The following EIF5 variants were observed in gnomAD, a reference collection of about 807,000 sequenced individuals.
EIF5 encodes the protein eukaryotic translation initiation factor 5.
In EIF5, 10 loss-of-function variants were observed where a neutral mutation model predicts 48.3. That is an observed-to-expected ratio of 0.21 (90% confidence interval 0.13 to 0.35). The LOEUF is 0.35. Ranked by LOEUF, EIF5 falls within the 10% of genes least tolerant of loss-of-function variation. EIF5 has a pLI of 1.00. For synonymous variants in EIF5, 237 were observed against 173.1 expected (o/e 1.37, Z -2.90); for missense variants, 397 against 533.2 (o/e 0.74, Z 2.51).
rs1283736391 is a variant in EIF5 at position 103,343,315 on chromosome 14, A to G, written c.*2263A>G. 2.0e-5 allele frequency: 3 copies of G among 152,196 alleles called. No individual in the cohort carries two copies. The highest frequency in any genetic ancestry group is 7.2e-5 in the African/African-American group (3 of 41,444). The allele number at this position is 152,196 out of a possible 1,614,324, so 9.4% of individuals were successfully genotyped here. ...GTTACACTTGCCAGCCCCACTCACA[A>G]AAGTTGTTCATTTCATTGGGTCACT... On this transcript the variant is annotated 3_prime_UTR_variant, in exon 12 of 12. Transcript: ENST00000216554.
intron 10 of EIF5, 79 bp from the exon 11 acceptor site, chr14:103,340,348 G>T: frequency 6.7e-7 from 1 of 1,489,090 alleles, no homozygotes; most frequent in Non-Finnish European, 9.2e-7. Context: ...AGTCCCCTCA[G>T]CTCAGTAAGG....
chr14:103,341,062 T>A lies in EIF5; in HGVS notation c.*10T>A. ...TATTGATGCCATTTAAAGGGATGGA[T>A]GCAACCTAGCTTAACAGTATAATGC... is the stretch of plus-strand genomic sequence containing the variant. On this transcript the variant is annotated 3_prime_UTR_variant, in exon 12 of 12. Transcript: ENST00000216554. 6.2e-7 allele frequency: 1 copy of A among 1,613,720 alleles called. No individual in the cohort carries two copies. The highest frequency in any genetic ancestry group is 1.1e-5 in the South Asian group (1 of 91,076).
chr14:103,342,338 GAC>G lies in EIF5; in HGVS notation c.*1292_*1293del, dbSNP rs1759028528. 1 of 152,172 alleles carries G rather than the reference GAC, an allele frequency of 6.6e-6. No homozygotes were observed. The highest frequency in any genetic ancestry group is 2.1e-4 in the South Asian group (1 of 4,828). 9.4% of individuals were successfully genotyped at this position (152,172 alleles called of 1,614,324 possible). A position where few individuals can be genotyped will look rare whatever the true frequency, so the allele number is the denominator to read the frequency against. Reference sequence around the variant, plus strand: ...GAGCCCATGCAGGGCTTTAGATTTGGACACACAAGAGTTGATAACTTCCTCAT... The same window carrying G: ...GAGCCCATGCAGGGCTTTAGATTTGGACACAAGAGTTGATAACTTCCTCAT... On this transcript the variant is annotated 3_prime_UTR_variant, in exon 12 of 12. Coordinates refer to ENST00000216554, the MANE Select transcript of EIF5 (RefSeq NM_001969.5).
At chr14:103,334,898 C>T (rs1301424033) in intron 2 of EIF5, 1 of 152,164 alleles carries the variant, frequency 6.6e-6, no homozygotes, top group African/African-American at 2.4e-5. Context: ...GGCCGTGTGT[C>T]GCTTCCCGGC....
rs2089350540 is a variant in EIF5, at chr14:103,341,337, A to T, written c.*285A>T. On this transcript the variant is annotated 3_prime_UTR_variant, in exon 12 of 12. Transcript: ENST00000216554. Reference sequence around the variant, plus strand: ...CACATTTATACAGTTATAAAAATAAAGGTTTGATTTTGGTCGTTCTTCAGA... The same window carrying T: ...CACATTTATACAGTTATAAAAATAATGGTTTGATTTTGGTCGTTCTTCAGA... 1 of 247,504 alleles carries T rather than the reference A, an allele frequency of 4.0e-6. No individual in the cohort carries two copies. Among genetic ancestry groups the T allele is most frequent in the Non-Finnish European group, 8.0e-6 (1 of 124,874 alleles). The allele number at this position is 247,504 out of a possible 1,614,324, so 15.3% of individuals were successfully genotyped here. A position where few individuals can be genotyped will look rare whatever the true frequency, so the allele number is the denominator to read the frequency against.
chr14:103,335,607 T>C, intron 2 of EIF5, 46 bp from the exon 3 acceptor site: 1 of 547,212 alleles, frequency 1.8e-6, no homozygotes, highest in South Asian at 2.3e-5. Context: ...AGCGATGATG[T>C]TAAACCTGGG....
chr14:103,339,408 T>A, intron 9 of EIF5, 75 bp downstream of exon 9: 17 of 1,524,418 alleles, frequency 1.1e-5, no homozygotes, highest in Non-Finnish European at 1.5e-5. Flanking sequence ...TAACCACTTT[T>A]GCTTGTCCTG....
chr14:103,338,709 TC>T, intron 7 of EIF5, 25 bp from the exon 8 acceptor site: 1 of 1,604,390 alleles, frequency 6.2e-7, no homozygotes, highest in Non-Finnish European at 8.5e-7. Context: ...AGGCCTTTGA[TC>T]AAGTAGCTCT....
chr14:103,341,810 G>T lies in EIF5; in HGVS notation c.*758G>T, dbSNP rs1305201221. On this transcript the variant is annotated 3_prime_UTR_variant, in exon 12 of 12. Transcript: ENST00000216554. ...AAATTATTACATTAACAAGCATTTT[G>T]TGTGTACGTAGTAGTTACTTTGTAC... 6.6e-6 allele frequency: 1 copy of T among 152,624 alleles called. No homozygotes were observed. Among genetic ancestry groups the T allele is most frequent in the East Asian group, 1.9e-4 (1 of 5,204 alleles). 9.5% of individuals were successfully genotyped at this position (152,624 alleles called of 1,614,324 possible). A position where few individuals can be genotyped will look rare whatever the true frequency, so the allele number is the denominator to read the frequency against.
rs1409128290 is a variant in EIF5, at chr14:103,340,445, T to C, written c.1090T>C (p.Ser364Pro). ...WSEKASKKYVSKELAKEIRVK... is the reference protein window; with the variant it reads ...WSEKASKKYVPKELAKEIRVK... ...TTTTTAGGCCTCTAAGAAATATGTCTCCAAAGAACTTGCCAAAGAGATTCG... is the reference window on the plus strand; with the variant it reads ...TTTTTAGGCCTCTAAGAAATATGTCCCCAAAGAACTTGCCAAAGAGATTCG... The change falls in exon 11 of 12, where the codon TCC becomes CCC. Residue 364 changes from serine to proline, a missense_variant. Transcript: ENST00000216554. 1.2e-6 allele frequency: 2 copies of C among 1,603,358 alleles called. No homozygotes were observed. Among genetic ancestry groups the C allele is most frequent in the Non-Finnish European group, 1.7e-6 (2 of 1,170,886 alleles).
rs1182011668 is a variant in EIF5, at chr14:103,341,718, CA to C, written c.*667del. 1 of 152,368 alleles carries C rather than the reference CA, an allele frequency of 6.6e-6. No individual in the cohort carries two copies. Among genetic ancestry groups the C allele is most frequent in the Admixed American group, 6.5e-5 (1 of 15,290 alleles). 9.4% of individuals were successfully genotyped at this position (152,368 alleles called of 1,614,324 possible). ...TTTGAAACTTGGAGAGCTGTTTTCT[CA>C]TTTCATGTACACTTGCCCCAAATTG... On this transcript the variant is annotated 3_prime_UTR_variant, in exon 12 of 12. Coordinates refer to ENST00000216554, the MANE Select transcript of EIF5 (RefSeq NM_001969.5).
Position 103,341,379 on chromosome 14 carries a change from ACT to A in EIF5, c.*328_*329del. Reference sequence around the variant, plus strand: ...TTCTTCAGATGTTTGGCTCTGAATGACTTAAGCTGAAGTAACTGGCTCCTTAC... The same window carrying A: ...TTCTTCAGATGTTTGGCTCTGAATGATAAGCTGAAGTAACTGGCTCCTTAC... On this transcript the variant is annotated 3_prime_UTR_variant, in exon 12 of 12. Transcript: ENST00000216554. 4.9e-6 allele frequency: 1 copy of A among 203,378 alleles called. No individual in the cohort carries two copies. Among genetic ancestry groups the A allele is most frequent in the East Asian group, 1.1e-4 (1 of 8,750 alleles). The allele number at this position is 203,378 out of a possible 1,614,324, so 12.6% of individuals were successfully genotyped here.
intron 5 of EIF5, 61 bp downstream of exon 5, chr14:103,336,910 A>T: frequency 6.5e-7 from 1 of 1,536,032 alleles, no homozygotes; most frequent in South Asian, 1.2e-5. Context: ...GATACCGCTA[A>T]GTCACCTTCC....
rs893915138 is a variant in EIF5 at position 103,342,762 on chromosome 14, T to C, written c.*1710T>C. 2 of 152,654 alleles carry C rather than the reference T, an allele frequency of 1.3e-5. No individual in the cohort carries two copies. The highest frequency in any genetic ancestry group is 4.8e-5 in the African/African-American group (2 of 41,454). The allele number at this position is 152,654 out of a possible 1,614,324, so 9.5% of individuals were successfully genotyped here. A position where few individuals can be genotyped will look rare whatever the true frequency, so the allele number is the denominator to read the frequency against. The stretch of plus-strand genomic sequence containing the variant: ...CCATATACCTGGAGGGAATGTGCTT[T>C]GTCACACCAAAGAGGATTTTTTTTT... On this transcript the variant is annotated 3_prime_UTR_variant, in exon 12 of 12. Coordinates refer to ENST00000216554, the MANE Select transcript of EIF5 (RefSeq NM_001969.5).
intron 8 of EIF5, 130 bp from the exon 9 acceptor site, chr14:103,339,042 C>G (rs1307965350): frequency 4.1e-6 from 6 of 1,466,924 alleles, no homozygotes; most frequent in Non-Finnish European, 5.5e-6. Flanking sequence ...GCGCGTGATT[C>G]CAGGCACTAT....
At position 103,334,383 on chromosome 14, in the gene EIF5, C is replaced by T. The variant is rs2089256136; in HGVS notation, c.-417-6C>T. On this transcript the variant is annotated splice_polypyrimidine_tract_variant and splice_region_variant and intron_variant, in intron 1 of 11. Coordinates refer to ENST00000216554, the MANE Select transcript of EIF5 (RefSeq NM_001969.5). The stretch of plus-strand genomic sequence containing the variant: ...CACGGCTCACGGCGCCGTCTCTCCG[C>T]GCCAGGTCGCCCAGCTCCGGCGCTG... The T allele has an allele frequency of 6.6e-6, 1 of 152,258 alleles. No homozygotes were observed. 9.4% of individuals were successfully genotyped at this position (152,258 alleles called of 1,614,324 possible). A position where few individuals can be genotyped will look rare whatever the true frequency, so the allele number is the denominator to read the frequency against.
rs1290460892 is a variant in EIF5 at position 103,342,118 on chromosome 14, A to G, written c.*1066A>G. 6.6e-6 allele frequency: 1 copy of G among 152,200 alleles called. No individual in the cohort carries two copies. The highest frequency in any genetic ancestry group is 1.5e-5 in the Non-Finnish European group (1 of 67,970). The allele number at this position is 152,200 out of a possible 1,614,324, so 9.4% of individuals were successfully genotyped here. A position where few individuals can be genotyped will look rare whatever the true frequency, so the allele number is the denominator to read the frequency against. Reference sequence around the variant, plus strand: ...CCAAAATAAGTGTTAACTGTGTTTCAAACTTGATTTTCTTTCCTTTTTCTT... The same window carrying G: ...CCAAAATAAGTGTTAACTGTGTTTCGAACTTGATTTTCTTTCCTTTTTCTT... On this transcript the variant is annotated 3_prime_UTR_variant, in exon 12 of 12. Coordinates refer to ENST00000216554, the MANE Select transcript of EIF5 (RefSeq NM_001969.5).
In EIF5 at chr14:103,335,729, A is replaced by G; in HGVS notation, c.-132A>G. 1 of 1,067,096 alleles carries G rather than the reference A, an allele frequency of 9.4e-7. No individual in the cohort carries two copies. Among genetic ancestry groups the G allele is most frequent in the Middle Eastern group, 2.2e-4 (1 of 4,642 alleles). 66.1% of individuals were successfully genotyped at this position (1,067,096 alleles called of 1,614,324 possible). ...AAGAAGCTTACAGCCTCAGTGGCGA[A>G]AATTTTTTCATGTCAGAGACCGAGA... On this transcript the variant is annotated 5_prime_UTR_variant, in exon 3 of 12. Transcript: ENST00000216554.
Position 103,335,779 on chromosome 14 carries a change from C to T in EIF5, c.-82C>T. The stretch of plus-strand genomic sequence containing the variant: ...AACTCTTGCAGTCGTTTATGTCATC[C>T]CTTCTTCTCCAGACAGAAGATACCA... On this transcript the variant is annotated 5_prime_UTR_variant, in exon 3 of 12. Coordinates refer to ENST00000216554, the MANE Select transcript of EIF5 (RefSeq NM_001969.5). 2 of 1,483,076 alleles carry T rather than the reference C, an allele frequency of 1.3e-6. No individual in the cohort carries two copies. Among genetic ancestry groups the T allele is most frequent in the South Asian group, 1.1e-5 (1 of 87,284 alleles). 91.9% of individuals were successfully genotyped at this position (1,483,076 alleles called of 1,614,324 possible).
Sources: allele counts gnomAD v4.1 joint callset, GRCh38; gene constraint gnomAD v4.1.1; transcripts MANE v1.5; gene names NCBI Gene and HGNC (gene_info 2026-07-23, HGNC 2026-07-21).